The following DYNC2H1 variants were observed in gnomAD, a reference collection of about 807,000 sequenced individuals.
DYNC2H1 encodes dynein cytoplasmic 2 heavy chain 1, also known as cytoplasmic dynein 2 heavy chain 1.
A neutral mutation model predicts 570.0 loss-of-function variants in DYNC2H1; 410 were observed. That is an observed-to-expected ratio of 0.72 (90% CI 0.66 to 0.78). DYNC2H1 has a LOEUF of 0.78. Ranked by LOEUF, DYNC2H1 falls within the 30% of genes least tolerant of loss-of-function variation. The probability of loss-of-function intolerance (pLI) is 0.00; values close to 1 mark genes in which losing one functional copy is unlikely to be tolerated. For missense variants in DYNC2H1, 4,865 were observed against 5,046.4 expected (o/e 0.96, Z 1.09); for synonymous variants, 1,688 against 1,677.6 (o/e 1.01, Z -0.15).
At chr11:103,373,199 T>G (rs1941245077) in intron 83 of DYNC2H1, among the ~76,000 whole-genome samples, 1 of 152,206 alleles carries the variant, frequency 6.6e-6, no homozygotes, top group African/African-American at 2.4e-5. Context: ...CCTCCCAAAG[T>G]GCTGGGTTTA....
At chr11:103,174,951 T>TG (rs1175033143) in intron 36 of DYNC2H1, among the ~76,000 whole-genome samples, 1 of 95,390 alleles carries the variant, frequency 1.0e-5, no homozygotes, top group South Asian at 3.7e-4. Context: ...TGGGGTGGGG[T>TG]GGGGGGTAGT....
intron 63 of DYNC2H1, among the ~76,000 whole-genome samples, chr11:103,240,516 C>T (rs952755317): frequency 1.3e-5 from 2 of 152,106 alleles, no homozygotes; most frequent in Admixed American, 6.6e-5. Context: ...ACAGTCTTTT[C>T]TCAGTAATGC....
At chr11:103,257,809 A>G in intron 69 of DYNC2H1, 58 bp downstream of exon 69, 2 of 1,299,862 alleles carry the variant, frequency 1.5e-6, no homozygotes, top group Middle Eastern at 4.4e-4. Context: ...TTTACTAGGG[A>G]TAGTACTTAA....
At chr11:103,443,295 A>G (rs72987442) in intron 85 of DYNC2H1, among the ~76,000 whole-genome samples, 10,562 of 152,000 alleles carry the variant, frequency 0.069, 438 homozygotes, top group Non-Finnish European at 0.095. Context: ...TCTATTATCT[A>G]TCAGCTTTAC....
chr11:103,168,543 A>G (rs949680762), intron 31 of DYNC2H1, among the ~76,000 whole-genome samples: 2 of 152,128 alleles, frequency 1.3e-5, no homozygotes, highest in Non-Finnish European at 2.9e-5. Context: ...TGGAATTTTG[A>G]TATCTTAATT....
intron 84 of DYNC2H1, among the ~76,000 whole-genome samples, chr11:103,416,959 G>A (rs1943306043): frequency 6.6e-6 from 1 of 152,088 alleles, no homozygotes; most frequent in African/African-American, 2.4e-5. Flanking sequence ...ATCAAAAAGT[G>A]GGCAAAGGAT....
intron 88 of DYNC2H1, among the ~76,000 whole-genome samples, chr11:103,474,639 TGA>T (rs944953647): frequency 6.6e-6 from 1 of 152,114 alleles, no homozygotes; most frequent in African/African-American, 2.4e-5. Flanking sequence ...ATAGGTATTT[TGA>T]GAGAGAGAGA....
intron 78 of DYNC2H1, among the ~76,000 whole-genome samples, chr11:103,309,168 A>ATCTTTTTTTTTTTTTTTTTTTTTT (rs1867444215): frequency 1.8e-5 from 1 of 54,620 alleles, no homozygotes; most frequent in Non-Finnish European, 3.4e-5. Flanking sequence ...ACTGCATGCT[A>ATCTTTTTTTTTTTTTTTTTTTTTT]TTTTTTTTTT....
At position 103,231,361 on chromosome 11, in the gene DYNC2H1, G is replaced by T. The variant is rs1056880999; in HGVS notation, c.9440+15G>T. 6.5e-7 allele frequency: 1 copy of T among 1,547,060 alleles called. No homozygotes were observed. The highest frequency in any genetic ancestry group is 8.8e-7 in the Non-Finnish European group (1 of 1,131,410). ...CTCAAAGAAAAGTAAGTTATATTTT[G>T]AAGTGTATTTTGGATAATGCTGAGA... On this transcript the variant is annotated intron_variant, in intron 60 of 88. Coordinates refer to ENST00000375735, the MANE Select transcript of DYNC2H1 (RefSeq NM_001377.3).
chr11:103,143,482 T>G (rs1484679505), intron 18 of DYNC2H1, 87 bp downstream of exon 18: 1 of 1,325,818 alleles, frequency 7.5e-7, no homozygotes, highest in Non-Finnish European at 1.0e-6. Context: ...GGCATTGAAG[T>G]CACATCAGCT....
chr11:103,115,123 A>ATT, intron 3 of DYNC2H1, 54 bp from the exon 4 acceptor site: 7 of 1,313,712 alleles, frequency 5.3e-6, no homozygotes, highest in East Asian at 2.5e-5. Context: ...TTTTGTATTC[A>ATT]TTTTTTTTTC....
At position 103,252,931 on chromosome 11, in the gene DYNC2H1, A is replaced by C. The variant is rs920861953; in HGVS notation, c.10043-354A>C. On this transcript the variant is annotated intron_variant, in intron 65 of 88. Transcript: ENST00000375735. This position sits in a 1 kb window ranked among gnomAD's most constrained non-coding sequence, Gnocchi z 4.6. ...AACACTTTTAAAATGATGAATTTAG[A>C]AGTAAAGAAAAAATATAATTGAGGA... 1.3e-5 allele frequency among the ~76,000 whole-genome samples: 2 copies of C among 152,188 alleles called. No homozygotes were observed. The highest frequency in any genetic ancestry group is 2.9e-5 in the Non-Finnish European group (2 of 68,022).
intron 34 of DYNC2H1, among the ~76,000 whole-genome samples, chr11:103,172,880 A>G (rs1260526618): frequency 6.6e-6 from 1 of 152,004 alleles, no homozygotes; most frequent in Admixed American, 6.6e-5. Context: ...GGAATTTATC[A>G]TATATTGAGT....
chr11:103,336,403 G>A (rs1052447954), intron 82 of DYNC2H1, among the ~76,000 whole-genome samples: 1 of 151,984 alleles, frequency 6.6e-6, no homozygotes, highest in African/African-American at 2.4e-5. Flanking sequence ...CTATCTAACT[G>A]TATTTTTGTA....
In DYNC2H1 at chr11:103,116,644, T is replaced by C. The variant is rs1243816332; in HGVS notation, c.696T>C (p.Asp232=). The change falls in exon 5 of 89, where the codon GAT becomes GAC. Residue 232 remains aspartate (D), a synonymous_variant. Transcript: ENST00000375735. ...DLVETTQDVV[D]DVWRQTEHDH... is the part of the protein sequence containing the mutation. ...TGGAGACTACTCAGGATGTTGTAGA[T>C]GATGTGTGGAGACAAACAGAACATG... The C allele has an allele frequency of 6.2e-7, 1 of 1,610,442 alleles. No individual in the cohort carries two copies. The highest frequency in any genetic ancestry group is 2.2e-5 in the East Asian group (1 of 44,678).
chr11:103,454,755 C>T (rs1412135427), intron 85 of DYNC2H1, among the ~76,000 whole-genome samples: 1 of 152,146 alleles, frequency 6.6e-6, no homozygotes, highest in Non-Finnish European at 1.5e-5. Flanking sequence ...TCTTCTTGGA[C>T]ATTGCCCTCC....
At position 103,252,375 on chromosome 11, in the gene DYNC2H1, A is replaced by C. The variant is rs1315464825; in HGVS notation, c.10043-910A>C. The stretch of plus-strand genomic sequence containing the variant: ...ATTTCCTTTGGGCATATACCCAGAA[A>C]AAAGATTGCTGGGTCATATGGTAGT... On this transcript the variant is annotated intron_variant, in intron 65 of 88. Transcript: ENST00000375735. This position sits in a 1 kb window ranked among gnomAD's most constrained non-coding sequence, Gnocchi z 4.6. Among the ~76,000 whole-genome samples, 1 of 152,156 alleles carries C rather than the reference A, an allele frequency of 6.6e-6. No individual in the cohort carries two copies. Among genetic ancestry groups the C allele is most frequent in the Non-Finnish European group, 1.5e-5 (1 of 68,026 alleles).
intron 82 of DYNC2H1, among the ~76,000 whole-genome samples, chr11:103,337,997 G>T (rs943690621): frequency 2.0e-5 from 3 of 152,064 alleles, no homozygotes; most frequent in African/African-American, 7.2e-5. Flanking sequence ...TCTTCTAGTA[G>T]TTTCACAGTT....
Position 103,185,081 on chromosome 11 carries a change from C to A in DYNC2H1, c.6633+30C>A. 1.3e-6 allele frequency: 2 copies of A among 1,584,358 alleles called. No homozygotes were observed. The highest frequency in any genetic ancestry group is 1.2e-5 in the South Asian group (1 of 86,446). On this transcript the variant is annotated intron_variant, in intron 41 of 88. Transcript: ENST00000375735. This position sits in a 1 kb window ranked among gnomAD's most constrained non-coding sequence, Gnocchi z 4.5. ...TGCATATTTATAGCCTATATTTAGT[C>A]AAAACTTTAACTTTTCATTAACTCT...
Sources: allele counts gnomAD v4.1 joint callset (sites outside exome capture counted in the v4.1 genomes callset), GRCh38; gene constraint gnomAD v4.1.1; non-coding constraint Gnocchi (gnomAD v3.1); transcripts MANE v1.5; gene names NCBI Gene and HGNC (gene_info 2026-07-23, HGNC 2026-07-21).